Variants in SPATS2 observed in about 807,000 individuals in gnomAD.
SPATS2 encodes spermatogenesis-associated serine-rich protein 2.
In SPATS2, 38 loss-of-function variants were observed where a neutral mutation model predicts 63.7. That is an observed-to-expected ratio of 0.60 (90% CI 0.46 to 0.78). SPATS2 has a LOEUF of 0.78. Ranked by LOEUF, SPATS2 falls within the 30% of genes least tolerant of loss-of-function variation. The pLI, the probability that SPATS2 is intolerant of heterozygous loss-of-function variation, is 0.00. For missense variants in SPATS2, 588 were observed against 666.2 expected (o/e 0.88, Z 1.29); for synonymous variants, 207 against 232.9 (o/e 0.89, Z 1.01).
At chr12:49,483,616 A>T (rs1231114129) in intron 3 of SPATS2, among the ~76,000 whole-genome samples, 1 of 152,258 alleles carries the variant, frequency 6.6e-6, no homozygotes. Flanking sequence ...TAATTGAAAC[A>T]TATCTGTAAT....
rs748722366 is a variant in SPATS2 at position 49,469,542 on chromosome 12, T to TAAAAAAAAAAA, written c.25+8517_25+8527dup. On this transcript the variant is annotated intron_variant, in intron 3 of 13. Coordinates refer to ENST00000552918, the MANE Select transcript of SPATS2 (RefSeq NM_023071.4). Reference sequence around the variant, plus strand: ...GTCACTGCACTATGGGCTGGGTCTCTAAAAAAAAAAAAAAAAAAAAAAGAA... The same window carrying TAAAAAAAAAAA: ...GTCACTGCACTATGGGCTGGGTCTCTAAAAAAAAAAAAAAAAAAAAAAAAAAAAAAAAAGAA... 1.8e-3 allele frequency: 577 copies of TAAAAAAAAAAA among 319,318 alleles called. 46 individuals carry two copies. Among genetic ancestry groups the TAAAAAAAAAAA allele is most frequent in the South Asian group, 2.8e-3 (139 of 49,470 alleles). The allele number at this position is 319,318 out of a possible 1,614,324, so 19.8% of individuals were successfully genotyped here.
Position 49,526,289 on chromosome 12 carries a change from C to A in SPATS2, c.*34C>A. On this transcript the variant is annotated 3_prime_UTR_variant, in exon 14 of 14. Coordinates refer to ENST00000552918, the MANE Select transcript of SPATS2 (RefSeq NM_023071.4). ...CCAGTTGGCCTCTCTCCTCTATCCA[C>A]ACAATTCAACTTGATAACTGGACTT... 1 of 1,547,764 alleles carries A rather than the reference C, an allele frequency of 6.5e-7. No homozygotes were observed. Among genetic ancestry groups the A allele is most frequent in the South Asian group, 1.3e-5 (1 of 79,848 alleles).
intron 3 of SPATS2, chr12:49,461,262 T>C: frequency 1.9e-6 from 1 of 527,466 alleles, no homozygotes; most frequent in South Asian, 2.6e-5. Context: ...TTAACAATCT[T>C]GAAGATGCAT....
chr12:49,397,966 A>C, intron 2 of SPATS2, among the ~76,000 whole-genome samples: 1 of 151,228 alleles, frequency 6.6e-6, no homozygotes, highest in Admixed American at 6.6e-5. Flanking sequence ...CCTGGGCATC[A>C]TGGCAAAACC....
chr12:49,393,846 T>G (rs1281833510), intron 2 of SPATS2, among the ~76,000 whole-genome samples: 2 of 152,088 alleles, frequency 1.3e-5, no homozygotes, highest in African/African-American at 4.8e-5. Flanking sequence ...CCTGCTATTT[T>G]TATGTTTATT....
intron 2 of SPATS2, among the ~76,000 whole-genome samples, chr12:49,431,115 T>C (rs1055352486): frequency 1.9e-4 from 29 of 152,320 alleles, no homozygotes; most frequent in African/African-American, 7.0e-4. Flanking sequence ...TCTTTTCAGT[T>C]TCCATTCTTC....
intron 2 of SPATS2, among the ~76,000 whole-genome samples, chr12:49,404,549 G>A (rs1944662275): frequency 6.6e-6 from 1 of 152,168 alleles, no homozygotes; most frequent in Non-Finnish European, 1.5e-5. Context: ...AAAGTGCTGG[G>A]ATTATAGGCG....
chr12:49,462,503 T>G (rs1431644074), intron 3 of SPATS2: 1 of 696,938 alleles, frequency 1.4e-6, no homozygotes, highest in Admixed American at 2.0e-5. Flanking sequence ...TTTCCCCCCG[T>G]GTGTGGGGTG....
intron 2 of SPATS2, among the ~76,000 whole-genome samples, chr12:49,390,632 T>C (rs1287936385): frequency 6.6e-6 from 1 of 152,226 alleles, no homozygotes; most frequent in Non-Finnish European, 1.5e-5. Flanking sequence ...CTTTAGTGAT[T>C]ACCTACTTTC....
intron 9 of SPATS2, among the ~76,000 whole-genome samples, chr12:49,507,760 CTG>C (rs1181593304): frequency 6.6e-6 from 1 of 152,168 alleles, no homozygotes. Context: ...ACTGCCTACA[CTG>C]TGTTAGTGTG....
chr12:49,450,734 G>A (rs1945606902), intron 2 of SPATS2, among the ~76,000 whole-genome samples: 2 of 151,874 alleles, frequency 1.3e-5, no homozygotes, highest in African/African-American at 4.8e-5. Context: ...AGTAGAGATA[G>A]GGTTTCTCCA....
chr12:49,515,209 C>G (rs1280074673), intron 10 of SPATS2, among the ~76,000 whole-genome samples: 2 of 152,144 alleles, frequency 1.3e-5, no homozygotes, highest in African/African-American at 4.8e-5. Flanking sequence ...ACAGAAAAAA[C>G]AGATACCTAT....
intron 2 of SPATS2, among the ~76,000 whole-genome samples, chr12:49,404,094 A>G (rs1458604074): frequency 6.6e-6 from 1 of 152,150 alleles, no homozygotes; most frequent in Non-Finnish European, 1.5e-5. Context: ...GCAAGAGACA[A>G]GTTCCTGCTT....
intron 11 of SPATS2, among the ~76,000 whole-genome samples, chr12:49,519,742 C>T (rs1292393439): frequency 6.6e-6 from 1 of 152,126 alleles, no homozygotes; most frequent in African/African-American, 2.4e-5. Flanking sequence ...GAGGCTTCTA[C>T]ACTCCACAGA....
rs1236101344 is a variant in SPATS2, at chr12:49,436,563, C to A, written c.-243-24207C>A. Among the ~76,000 whole-genome samples, 2 of 117,536 alleles carry A rather than the reference C, an allele frequency of 1.7e-5. 1 individual carries two copies. The highest frequency in any genetic ancestry group is 3.9e-5 in the Non-Finnish European group (2 of 51,514). The allele number at this position is 117,536 out of a possible 152,430, so 77.1% of individuals were successfully genotyped here. A position where few individuals can be genotyped will look rare whatever the true frequency, so the allele number is the denominator to read the frequency against. On this transcript the variant is annotated intron_variant, in intron 2 of 13. Coordinates refer to ENST00000552918, the MANE Select transcript of SPATS2 (RefSeq NM_023071.4). ...CCTCCTGGCCGGGCGGGGGGCTGAC[C>A]TCCCCACCTCCCTCCCGGACGGGGT...
chr12:49,468,129 T>C (rs7342365), intron 3 of SPATS2, among the ~76,000 whole-genome samples: 27,642 of 150,330 alleles, frequency 0.18, 3,526 homozygotes, highest in African/African-American at 0.36. Flanking sequence ...TTCTTCTTTT[T>C]CTTTCACTCT....
At chr12:49,378,590 C>G (rs1009542978) in intron 2 of SPATS2, among the ~76,000 whole-genome samples, 4 of 152,056 alleles carry the variant, frequency 2.6e-5, no homozygotes. Context: ...AGCCACCACG[C>G]CCGGCCAATT....
At chr12:49,499,899 C>CT (rs966619230) in intron 8 of SPATS2, among the ~76,000 whole-genome samples, 171 bp from the exon 9 acceptor site, 7 of 151,646 alleles carry the variant, frequency 4.6e-5, no homozygotes, top group African/African-American at 9.7e-5. Context: ...GACCAGGATC[C>CT]TTTTTTTTCC....
intron 3 of SPATS2, among the ~76,000 whole-genome samples, chr12:49,478,367 A>G (rs757316289): frequency 2.0e-5 from 3 of 152,188 alleles, no homozygotes; most frequent in Non-Finnish European, 4.4e-5. Context: ...TATTTGTACA[A>G]TATAACCCCA....
Sources: gnomAD v4.1 joint callset for allele counts (sites outside exome capture counted in the v4.1 genomes callset) on GRCh38, gnomAD v4.1.1 for gene constraint, MANE v1.5 for transcripts, NCBI Gene and HGNC (gene_info 2026-07-23, HGNC 2026-07-21) for gene names.